DLGAP2: variants seen among roughly 807,000 people sequenced by gnomAD.
DLGAP2 encodes the protein DLG associated protein 2.
Under a neutral mutation model 100.3 loss-of-function variants are expected in DLGAP2, and 26 were observed. That is an observed-to-expected ratio of 0.26 (90% CI 0.19 to 0.36). The LOEUF is 0.36. Among genes scored for constraint, DLGAP2 ranks in the 10% least tolerant of loss-of-function variants. DLGAP2 has a pLI of 1.00. For synonymous variants in DLGAP2, 886 were observed against 630.1 expected (o/e 1.41, Z -6.08); for missense variants, 1,858 against 1,453.2 (o/e 1.28, Z -4.53).
intron 1 of DLGAP2, among the ~76,000 whole-genome samples, chr8:903,465 T>C (rs1402718153): frequency 2.6e-5 from 4 of 152,132 alleles, no homozygotes; most frequent in African/African-American, 4.8e-5. Flanking sequence ...TGTATTTTTG[T>C]GGCTATGGCT....
intron 3 of DLGAP2, among the ~76,000 whole-genome samples, chr8:1,331,380 G>C (rs897391128): frequency 2.6e-5 from 4 of 152,130 alleles, no homozygotes; most frequent in African/African-American, 9.7e-5. Context: ...CAGGTCGCTG[G>C]CCTTTCCTAC....
At chr8:1,442,603 C>T (rs1368959138) in intron 3 of DLGAP2, among the ~76,000 whole-genome samples, 1 of 142,954 alleles carries the variant, frequency 7.0e-6, no homozygotes, top group Non-Finnish European at 1.5e-5. Context: ...CTGGGGGAGA[C>T]GGATCGGGGC....
chr8:1,334,671 G>A (rs1224786165), intron 3 of DLGAP2, among the ~76,000 whole-genome samples: 1 of 152,074 alleles, frequency 6.6e-6, no homozygotes, highest in Non-Finnish European at 1.5e-5. Flanking sequence ...ATCCACGTCG[G>A]CATTCTCGGC....
At chr8:1,217,410 A>G (rs1003901615) in intron 2 of DLGAP2, among the ~76,000 whole-genome samples, 1 of 152,136 alleles carries the variant, frequency 6.6e-6, no homozygotes, top group African/African-American at 2.4e-5. Context: ...TAGTTCTGTG[A>G]TGAACACAGG....
At chr8:1,126,918 C>G (rs1796178124) in intron 2 of DLGAP2, among the ~76,000 whole-genome samples, 1 of 151,754 alleles carries the variant, frequency 6.6e-6, no homozygotes, top group African/African-American at 2.4e-5. Context: ...AGGCAGGGCC[C>G]TCGCTTGTGC....
chr8:1,507,238 C>T (rs149437183), intron 4 of DLGAP2, among the ~76,000 whole-genome samples: 4,602 of 152,302 alleles, frequency 0.03, 109 homozygotes, highest in Non-Finnish European at 0.041. Context: ...TTGGGCCGCG[C>T]GGGAGCCCAC....
chr8:1,159,671 T>G (rs1488962017), intron 2 of DLGAP2, among the ~76,000 whole-genome samples: 1 of 152,228 alleles, frequency 6.6e-6, no homozygotes, highest in Non-Finnish European at 1.5e-5. Context: ...GATACTTTGG[T>G]TATTTTATAT....
chr8:1,683,995 T>TAC (rs1563061391), intron 12 of DLGAP2, among the ~76,000 whole-genome samples: 3 of 130,274 alleles, frequency 2.3e-5, no homozygotes, highest in South Asian at 2.7e-4. Context: ...TATACTTTTT[T>TAC]TTTTAAGACG....
intron 3 of DLGAP2, among the ~76,000 whole-genome samples, chr8:1,298,170 C>G (rs879483941): frequency 6.6e-6 from 1 of 151,774 alleles, no homozygotes; most frequent in Non-Finnish European, 1.5e-5. Context: ...CATGCATGAA[C>G]GGAGAAATGT....
chr8:756,908 C>T (rs959412223), intron 1 of DLGAP2, among the ~76,000 whole-genome samples: 16 of 152,316 alleles, frequency 1.1e-4, no homozygotes, highest in African/African-American at 3.6e-4. Flanking sequence ...TTTTCTGTTG[C>T]GTTTTGGCAG....
intron 2 of DLGAP2, among the ~76,000 whole-genome samples, chr8:1,113,185 G>A (rs1025416040): frequency 3.9e-5 from 6 of 151,980 alleles, no homozygotes; most frequent in Non-Finnish European, 7.4e-5. Flanking sequence ...GGATATTTGG[G>A]CTTTTTTTTG....
intron 3 of DLGAP2, among the ~76,000 whole-genome samples, chr8:1,327,641 G>A (rs559327342): frequency 2.0e-5 from 3 of 152,186 alleles, no homozygotes; most frequent in Admixed American, 6.5e-5. Flanking sequence ...TCAGGAGATC[G>A]AGACCATCCT....
intron 4 of DLGAP2, among the ~76,000 whole-genome samples, chr8:1,521,047 A>T (rs2020405): frequency 3.9e-5 from 6 of 152,016 alleles, no homozygotes; most frequent in Admixed American, 3.9e-4. Context: ...TGGCCGTTCT[A>T]TTCGGGGTGT....
intron 1 of DLGAP2, among the ~76,000 whole-genome samples, chr8:771,051 G>C (rs1272601436): frequency 6.6e-6 from 1 of 152,078 alleles, no homozygotes; most frequent in Non-Finnish European, 1.5e-5. Context: ...GTGCCTTCCA[G>C]CTCCATTTCT....
intron 3 of DLGAP2, among the ~76,000 whole-genome samples, chr8:1,487,346 T>C (rs1799258153): frequency 6.6e-6 from 1 of 152,214 alleles, no homozygotes; most frequent in South Asian, 2.1e-4. Context: ...AAAGTGGGTA[T>C]TACAGAGATT....
At chr8:1,637,253 G>A (rs994929064) in intron 8 of DLGAP2, among the ~76,000 whole-genome samples, 1 of 152,186 alleles carries the variant, frequency 6.6e-6, no homozygotes, top group African/African-American at 2.4e-5. Context: ...GCTATATGGG[G>A]AAAGGCTTTG....
chr8:1,531,912 G>T (rs1007885161), intron 4 of DLGAP2, among the ~76,000 whole-genome samples: 3 of 152,174 alleles, frequency 2.0e-5, no homozygotes, highest in Non-Finnish European at 4.4e-5. Context: ...GCCTCAAGAG[G>T]TCCTGAGGAC....
chr8:1,665,012 T>A (rs763920730), intron 8 of DLGAP2, among the ~76,000 whole-genome samples: 1 of 152,186 alleles, frequency 6.6e-6, no homozygotes. Context: ...GTTTTAAAAG[T>A]GTGGCATGCA....
At chr8:1,577,974 G>A (rs1437582186) in intron 6 of DLGAP2, among the ~76,000 whole-genome samples, 6 of 152,190 alleles carry the variant, frequency 3.9e-5, no homozygotes, top group African/African-American at 1.2e-4. Flanking sequence ...ATCTGATAAC[G>A]TTTTGTTGGT....
Sources: gnomAD v4.1 joint callset for allele counts (sites outside exome capture counted in the v4.1 genomes callset) on GRCh38, gnomAD v4.1.1 for gene constraint, MANE v1.5 for transcripts, NCBI Gene and HGNC (gene_info 2026-07-23, HGNC 2026-07-21) for gene names.